EHHADH: variants seen among roughly 807,000 people sequenced by gnomAD.
EHHADH encodes enoyl-CoA hydratase and 3-hydroxyacyl CoA dehydrogenase.
In EHHADH, 48 loss-of-function variants were observed where a neutral mutation model predicts 64.4. That is an observed-to-expected ratio of 0.75 (90% CI 0.59 to 0.95). The LOEUF is 0.95. Among genes scored for constraint, EHHADH ranks in the 40% least tolerant of loss-of-function variants. The probability of loss-of-function intolerance (pLI) is 0.00; values close to 1 mark genes in which losing one functional copy is unlikely to be tolerated. For synonymous variants in EHHADH, 308 were observed against 326.7 expected (o/e 0.94, Z 0.62); for missense variants, 854 against 876.6 (o/e 0.97, Z 0.33).
chr3:185,222,085 G>A (rs1320189201), intron 4 of EHHADH, among the ~76,000 whole-genome samples: 6 of 151,954 alleles, frequency 3.9e-5, no homozygotes, highest in East Asian at 1.9e-4. Flanking sequence ...TTGTCTGGGT[G>A]TAGAAATCAC....
intron 4 of EHHADH, among the ~76,000 whole-genome samples, chr3:185,222,382 C>T (rs1277888679): frequency 6.6e-6 from 1 of 151,556 alleles, no homozygotes; most frequent in Non-Finnish European, 1.5e-5. Flanking sequence ...GATACCATCT[C>T]AGAAAAATAA....
In EHHADH at chr3:185,191,055, AC is replaced by A. The variant is rs1159025644; in HGVS notation, c.*1170del. On this transcript the variant is annotated 3_prime_UTR_variant, in exon 7 of 7. Transcript: ENST00000231887. ...TTCATGAACCATAAAGAAATCCTGT[AC>A]CCATTAGATGAATCCTGTACTCCCC... 1 of 152,222 alleles carries A rather than the reference AC, an allele frequency of 6.6e-6. No individual in the cohort carries two copies. Among genetic ancestry groups the A allele is most frequent in the African/African-American group, 2.4e-5 (1 of 41,462 alleles). The allele number at this position is 152,222 out of a possible 1,614,324, so 9.4% of individuals were successfully genotyped here. A position where few individuals can be genotyped will look rare whatever the true frequency, so the allele number is the denominator to read the frequency against.
Position 185,192,475 on chromosome 3 carries a change from A to G in EHHADH, c.1923T>C (p.Ala641=). ...AGACAACATCAATGTGCTCTGGGCT[A>G]GCAGCTATCCCTTCTCCCAAGATAC... ...AFRILGEGIA[A]SPEHIDVVYL... is the part of the protein sequence containing the mutation. Residue 641 remains alanine (A), a synonymous_variant, in exon 7 of 7, where the codon GCT becomes GCC. Transcript: ENST00000231887. 3 of 1,614,252 alleles carry G rather than the reference A, an allele frequency of 1.9e-6. No individual in the cohort carries two copies. The highest frequency in any genetic ancestry group is 2.7e-5 in the African/African-American group (2 of 75,070).
rs1282313985 is a variant in EHHADH at position 185,253,747 on chromosome 3, A to G, written c.74+202T>C. ...CGAGAGTTCCCTGCGAAGATTAACC[A>G]AGCTAATCTAGGTTAAAAAAAAAAA... On this transcript the variant is annotated intron_variant, in intron 1 of 6. Coordinates refer to ENST00000231887, the MANE Select transcript of EHHADH (RefSeq NM_001966.4). 1.5e-5 allele frequency: 18 copies of G among 1,207,632 alleles called. No homozygotes were observed. The African/African-American group carries it at 2.6e-4, about 17-fold the overall frequency. The allele number at this position is 1,207,632 out of a possible 1,614,324, so 74.8% of individuals were successfully genotyped here.
intron 1 of EHHADH, chr3:185,253,334 G>A (rs1215597671): frequency 6.8e-6 from 1 of 148,110 alleles, no homozygotes; most frequent in Non-Finnish European, 1.5e-5. Context: ...CTCAAAGAAG[G>A]GGAGTGAGGC....
intron 6 of EHHADH, among the ~76,000 whole-genome samples, chr3:185,200,832 G>A (rs906833412): frequency 2.6e-5 from 4 of 152,168 alleles, no homozygotes; most frequent in African/African-American, 7.2e-5. Context: ...TGCGTCTCCT[G>A]CGGGGCTGAG....
At chr3:185,194,609 TAACAACAACAACAACAAC>T (rs35024076) in intron 6 of EHHADH, among the ~76,000 whole-genome samples, 3 of 144,406 alleles carry the variant, frequency 2.1e-5, no homozygotes, top group African/African-American at 7.8e-5. Context: ...TGAAACTCTG[TAACAACAACAACAACAAC>T]AACAACAACA....
chr3:185,236,022 A>T (rs1278357822), intron 2 of EHHADH, among the ~76,000 whole-genome samples: 1 of 152,238 alleles, frequency 6.6e-6, no homozygotes, highest in Non-Finnish European at 1.5e-5. Context: ...TTTATCTTCA[A>T]TAAAAATAAT....
At chr3:185,200,691 G>A (rs2108627312) in intron 6 of EHHADH, among the ~76,000 whole-genome samples, 1 of 152,300 alleles carries the variant, frequency 6.6e-6, no homozygotes, top group South Asian at 2.1e-4. Flanking sequence ...ACTCAGAGAA[G>A]TAAATACCAA....
intron 6 of EHHADH, among the ~76,000 whole-genome samples, chr3:185,195,746 GA>G (rs1212199658): frequency 6.6e-6 from 1 of 152,136 alleles, no homozygotes; most frequent in African/African-American, 2.4e-5. Context: ...TGGCCCCAAA[GA>G]TGGGAACAAT....
Position 185,232,941 on chromosome 3 carries a change from GATTT to G in EHHADH, c.351+2345_351+2348del, listed in dbSNP as rs1310820003. Among the ~76,000 whole-genome samples the G allele has an allele frequency of 2.0e-5, 3 of 152,156 alleles. No individual in the cohort carries two copies. In the East Asian group the frequency reaches 5.8e-4, roughly 29 times the overall value. ...ACACATTTCCAGATAAAGAAAAACT[GATTT>G]TGTTGTTAGTATATTTGCCCTATAA... On this transcript the variant is annotated intron_variant, in intron 3 of 6. Coordinates refer to ENST00000231887, the MANE Select transcript of EHHADH (RefSeq NM_001966.4).
intron 6 of EHHADH, among the ~76,000 whole-genome samples, chr3:185,195,427 G>A (rs1718031870): frequency 6.6e-6 from 1 of 152,102 alleles, no homozygotes; most frequent in Non-Finnish European, 1.5e-5. Flanking sequence ...TGGTACAGTT[G>A]CTGCAAAAAA....
At chr3:185,222,010 AG>A (rs1281612682) in intron 4 of EHHADH, among the ~76,000 whole-genome samples, 1 of 152,172 alleles carries the variant, frequency 6.6e-6, no homozygotes. Context: ...AACTCCAAAA[AG>A]CTTGTGTTTA....
chr3:185,202,180 A>T (rs1484174444), intron 6 of EHHADH, among the ~76,000 whole-genome samples: 5 of 152,158 alleles, frequency 3.3e-5, no homozygotes, highest in South Asian at 4.1e-4. Flanking sequence ...TCTACTAAAA[A>T]TACAAAAATC....
intron 6 of EHHADH, among the ~76,000 whole-genome samples, chr3:185,201,745 A>T (rs1462192287): frequency 2.0e-5 from 3 of 149,998 alleles, no homozygotes; most frequent in Admixed American, 6.6e-5. Flanking sequence ...ATATCATTTT[A>T]AAAAAATACT....
Position 185,193,210 on chromosome 3 carries a change from G to A in EHHADH, c.1188C>T (p.Leu396=), listed in dbSNP as rs768379647. ...ATGCTTCTGGTTTGCACACAGCTGA[G>A]AGTTCAGCAAAGACCTGCTTCTTCA... is the stretch of plus-strand genomic sequence containing the variant. ...MSLKKQVFAE[L]SAVCKPEAFL... The change falls in exon 7 of 7, where the codon CTC becomes CTT. Residue 396 remains leucine (L), a synonymous_variant. Coordinates refer to ENST00000231887, the MANE Select transcript of EHHADH (RefSeq NM_001966.4). The A allele has an allele frequency of 1.2e-6, 2 of 1,611,250 alleles. No individual in the cohort carries two copies. The highest frequency in any genetic ancestry group is 2.2e-5 in the South Asian group (2 of 90,262).
chr3:185,231,791 C>A (rs1349815518), intron 3 of EHHADH, among the ~76,000 whole-genome samples: 1 of 152,166 alleles, frequency 6.6e-6, no homozygotes, highest in Non-Finnish European at 1.5e-5. Context: ...CTTAGGATAG[C>A]AGAAGGTGAT....
At chr3:185,246,425 A>C in intron 2 of EHHADH, 1 of 538,220 alleles carries the variant, frequency 1.9e-6, no homozygotes, top group Non-Finnish European at 3.0e-6. Flanking sequence ...ATCAAAAATC[A>C]TCTCATCTCC....
At chr3:185,222,397 A>G (rs1284017008) in intron 4 of EHHADH, among the ~76,000 whole-genome samples, 2 of 152,176 alleles carry the variant, frequency 1.3e-5, no homozygotes, top group African/African-American at 4.8e-5. Flanking sequence ...AAATAAAAAT[A>G]AAAAAAGAAA....
Sources: allele counts gnomAD v4.1 joint callset (sites outside exome capture counted in the v4.1 genomes callset), GRCh38; gene constraint gnomAD v4.1.1; transcripts MANE v1.5; gene names NCBI Gene and HGNC (gene_info 2026-07-23, HGNC 2026-07-21).